The following MED13 variants were observed in gnomAD, a reference collection of about 807,000 sequenced individuals.
The protein encoded by MED13 is mediator of RNA polymerase II transcription subunit 13.
A neutral mutation model predicts 225.2 loss-of-function variants in MED13; 23 were observed. The observed-to-expected ratio is 0.10, with a 90% CI of 0.07 to 0.14. The LOEUF (loss-of-function observed/expected upper bound fraction) is 0.14. Ranked by LOEUF, MED13 falls within the 10% of genes least tolerant of loss-of-function variation. The pLI, the probability that MED13 is intolerant of heterozygous loss-of-function variation, is 1.00. For missense variants in MED13, 2,197 were observed against 2,594.5 expected (o/e 0.85, Z 3.33); for synonymous variants, 942 against 889.2 (o/e 1.06, Z -1.06).
intron 26 of MED13, among the ~76,000 whole-genome samples, chr17:61,954,339 G>A (rs369108849): frequency 6.0e-4 from 91 of 152,120 alleles, no homozygotes; most frequent in African/African-American, 2.0e-3. Context: ...GAAAAGCTAC[G>A]TCCCTACTTT....
At chr17:62,063,323 G>C in intron 1 of MED13, 22 bp from the exon 2 acceptor site, 1 of 1,508,168 alleles carries the variant, frequency 6.6e-7, no homozygotes, top group Non-Finnish European at 9.2e-7. Flanking sequence ...AAAGCATTAA[G>C]TTTTATTACT....
At chr17:62,057,208 G>A (rs1488113621) in intron 2 of MED13, among the ~76,000 whole-genome samples, 1 of 152,110 alleles carries the variant, frequency 6.6e-6, no homozygotes, top group Admixed American at 6.6e-5. Context: ...AAAATACCAT[G>A]TATTTCCTGA....
At chr17:62,027,964 A>C (rs2080718642) in intron 8 of MED13, among the ~76,000 whole-genome samples, 1 of 152,220 alleles carries the variant, frequency 6.6e-6, no homozygotes, top group Non-Finnish European at 1.5e-5. Context: ...TGTTGATGGA[A>C]GTGAAAATAG....
At chr17:62,003,599 C>CAAAAAAAAAA (rs34451831) in intron 9 of MED13, 215 of 51,634 alleles carry the variant, frequency 4.2e-3, no homozygotes, top group Middle Eastern at 0.017. Flanking sequence ...CAGCAAAACT[C>CAAAAAAAAAA]AAAAAAAAAA....
chr17:62,053,735 A>G (rs1197328557), intron 2 of MED13, among the ~76,000 whole-genome samples: 2 of 152,220 alleles, frequency 1.3e-5, no homozygotes, highest in Non-Finnish European at 2.9e-5. Flanking sequence ...ACGTTTCTCA[A>G]TTCAACACCA....
intron 6 of MED13, chr17:62,030,838 C>G (rs1354660493): frequency 1.3e-5 from 2 of 152,086 alleles, no homozygotes; most frequent in African/African-American, 4.8e-5. Flanking sequence ...AGTAACAGGG[C>G]GTTTTGCTGA....
intron 1 of MED13, 33 bp from the exon 2 acceptor site, chr17:62,063,334 G>A (rs1462968820): frequency 2.1e-6 from 3 of 1,425,228 alleles, no homozygotes; most frequent in Non-Finnish European, 2.9e-6. Context: ...TTTTATTACT[G>A]CATATTCACT....
intron 8 of MED13, among the ~76,000 whole-genome samples, chr17:62,015,995 G>C (rs2080576157): frequency 1.4e-5 from 1 of 70,028 alleles, no homozygotes; most frequent in South Asian, 4.7e-4. Context: ...GTAGAGACCG[G>C]TTTTTGCCAT....
At chr17:61,994,414 T>C (rs889152710) in intron 10 of MED13, among the ~76,000 whole-genome samples, 11 of 152,260 alleles carry the variant, frequency 7.2e-5, no homozygotes, top group Admixed American at 3.3e-4. Context: ...ATCTTGCACT[T>C]CATTTTTACT....
At chr17:61,963,202 C>CAAAAAAAAAAAAAAAAAAAAA (rs11290002) in intron 20 of MED13, among the ~76,000 whole-genome samples, 2 of 55,768 alleles carry the variant, frequency 3.6e-5, no homozygotes, top group African/African-American at 7.3e-5. Flanking sequence ...TTAAATTTAC[C>CAAAAAAAAAAAAAAAAAAAAA]AAAAAAAAAA....
intron 8 of MED13, among the ~76,000 whole-genome samples, chr17:62,028,804 C>G (rs80101472): frequency 0.073 from 11,030 of 151,856 alleles, 575 homozygotes; most frequent in South Asian, 0.29. Context: ...GAGATCACGC[C>G]ACTGCACTCC....
intron 8 of MED13, among the ~76,000 whole-genome samples, chr17:62,024,939 G>A (rs1043951405): frequency 2.6e-5 from 4 of 152,156 alleles, no homozygotes; most frequent in African/African-American, 9.7e-5. Context: ...TCAGTGATGA[G>A]CACTTAGGTT....
chr17:61,964,809 G>T (rs1165553383), intron 20 of MED13, among the ~76,000 whole-genome samples, 197 bp downstream of exon 20: 1 of 152,054 alleles, frequency 6.6e-6, no homozygotes, highest in Admixed American at 6.6e-5. Context: ...GGTGGCACAT[G>T]CCTGTAATTC....
intron 9 of MED13, among the ~76,000 whole-genome samples, chr17:61,998,303 G>A (rs2080362967): frequency 6.6e-6 from 1 of 152,098 alleles, no homozygotes; most frequent in Admixed American, 6.5e-5. Flanking sequence ...CAGACAAACT[G>A]CAAAAAGATC....
chr17:61,983,198 A>G (rs1266061913), intron 15 of MED13, 84 bp from the exon 16 acceptor site: 20 of 1,064,626 alleles, frequency 1.9e-5, no homozygotes, highest in Non-Finnish European at 2.4e-5. Flanking sequence ...AAACGTCCCA[A>G]ATGTTTTTCA....
rs1358282184 is a variant in MED13 at position 61,944,712 on chromosome 17, A to G, written c.*1756T>C. 2.0e-5 allele frequency: 3 copies of G among 152,608 alleles called. No homozygotes were observed. Among genetic ancestry groups the G allele is most frequent in the African/African-American group, 4.8e-5 (2 of 41,458 alleles). 9.5% of individuals were successfully genotyped at this position (152,608 alleles called of 1,614,324 possible). A position where few individuals can be genotyped will look rare whatever the true frequency, so the allele number is the denominator to read the frequency against. On this transcript the variant is annotated 3_prime_UTR_variant, in exon 30 of 30. Transcript: ENST00000397786. ...AAAACTAAAACAAACACTGAAGTAG[A>G]GTTTTGTAAATACAACTGATTTTGT...
intron 8 of MED13, among the ~76,000 whole-genome samples, chr17:62,024,893 C>G (rs888585112): frequency 3.9e-5 from 6 of 152,110 alleles, no homozygotes; most frequent in Non-Finnish European, 8.8e-5. Flanking sequence ...GCACAGTATT[C>G]CATGGTGTAC....
At chr17:61,968,624 C>T (rs1307806658) in intron 17 of MED13, among the ~76,000 whole-genome samples, 1 of 152,086 alleles carries the variant, frequency 6.6e-6, no homozygotes, top group Non-Finnish European at 1.5e-5. Flanking sequence ...CATGCCCGGC[C>T]TCCTTTTTAT....
At chr17:61,954,825 C>T (rs953505343) in intron 26 of MED13, among the ~76,000 whole-genome samples, 1 of 152,102 alleles carries the variant, frequency 6.6e-6, no homozygotes, top group Non-Finnish European at 1.5e-5. Context: ...ATTCACAGCA[C>T]CAGTTCTGAT....
Sources: allele counts gnomAD v4.1 joint callset (sites outside exome capture counted in the v4.1 genomes callset), GRCh38; gene constraint gnomAD v4.1.1; transcripts MANE v1.5; gene names NCBI Gene and HGNC (gene_info 2026-07-23, HGNC 2026-07-21).